Variants in GMDS observed in about 807,000 individuals in gnomAD.
The protein encoded by GMDS is GDP-mannose 4,6 dehydratase.
A neutral mutation model predicts 49.9 loss-of-function variants in GMDS; 20 were observed. The ratio of observed to expected loss-of-function variants is 0.40; its 90% CI spans 0.28 to 0.58. The LOEUF (loss-of-function observed/expected upper bound fraction) is 0.58, where lower values mean the gene tolerates loss of function less well. Ranked by LOEUF, GMDS falls within the 20% of genes least tolerant of loss-of-function variation. GMDS has a pLI of 0.42. For synonymous variants in GMDS, 177 were observed against 178.6 expected, an observed-to-expected ratio of 0.99 and a Z score of 0.07; for missense variants, 362 against 481.4, an observed-to-expected ratio of 0.75 and a Z score of 2.32.
chr6:1,725,591 AC>A (rs1232238523), intron 9 of GMDS, among the ~76,000 whole-genome samples: 2 of 151,910 alleles, frequency 1.3e-5, no homozygotes, highest in African/African-American at 4.8e-5. Context: ...GCGCTACCAC[AC>A]CCGGCTAATT....
chr6:1,854,485 G>C (rs993567488), intron 7 of GMDS, among the ~76,000 whole-genome samples: 1 of 152,150 alleles, frequency 6.6e-6, no homozygotes, highest in Non-Finnish European at 1.5e-5. Context: ...TTTCCAACTG[G>C]GAGTGATTTT....
chr6:1,915,600 T>C (rs190089482), intron 7 of GMDS, among the ~76,000 whole-genome samples: 79 of 152,256 alleles, frequency 5.2e-4, no homozygotes, highest in Non-Finnish European at 9.3e-4. Context: ...ACAGTATCTG[T>C]ATCTCAGAAA....
intron 9 of GMDS, among the ~76,000 whole-genome samples, chr6:1,647,833 C>T (rs1471791583): frequency 6.6e-6 from 1 of 152,150 alleles, no homozygotes; most frequent in Non-Finnish European, 1.5e-5. Context: ...TCTCAGCATC[C>T]GGACCTACCG....
intron 9 of GMDS, among the ~76,000 whole-genome samples, chr6:1,725,231 G>A (rs566069458): frequency 6.6e-4 from 101 of 152,330 alleles, no homozygotes; most frequent in Middle Eastern, 3.4e-3. Flanking sequence ...TATTTCATAT[G>A]TTGAGCTTTG....
chr6:2,005,074 T>C (rs980549575), intron 4 of GMDS, among the ~76,000 whole-genome samples: 63 of 152,266 alleles, frequency 4.1e-4, no homozygotes, highest in African/African-American at 1.5e-3. Context: ...ATAAACAAAG[T>C]CCTGTTGTAA....
chr6:1,721,257 G>C (rs1218420052), intron 9 of GMDS, among the ~76,000 whole-genome samples: 3 of 152,180 alleles, frequency 2.0e-5, no homozygotes, highest in African/African-American at 4.8e-5. Context: ...GTTTTTACGG[G>C]AGGAAGGTGT....
chr6:2,072,269 AG>A (rs1420488113), intron 4 of GMDS, among the ~76,000 whole-genome samples: 2 of 152,226 alleles, frequency 1.3e-5, no homozygotes, highest in African/African-American at 4.8e-5. Flanking sequence ...AAATTCTAAA[AG>A]AAAGGGGAGC....
At chr6:2,202,723 T>C (rs1779606948) in intron 1 of GMDS, among the ~76,000 whole-genome samples, 2 of 152,152 alleles carry the variant, frequency 1.3e-5, no homozygotes, top group Admixed American at 6.5e-5. Context: ...GCCACGTCTG[T>C]TGTGGTTTAC....
chr6:1,758,421 A>G (rs58269467), intron 7 of GMDS, among the ~76,000 whole-genome samples: 11,047 of 152,160 alleles, frequency 0.073, 520 homozygotes, highest in East Asian at 0.15. Context: ...CACTCATACC[A>G]CACTCTCTCC....
At chr6:2,200,864 A>C (rs1236611314) in intron 1 of GMDS, among the ~76,000 whole-genome samples, 1 of 135,572 alleles carries the variant, frequency 7.4e-6, no homozygotes, top group Non-Finnish European at 1.6e-5. Context: ...GTTAGCAGAG[A>C]GGTGAAGGAT....
intron 7 of GMDS, among the ~76,000 whole-genome samples, chr6:1,809,909 T>C (rs1770343281): frequency 6.6e-6 from 1 of 152,190 alleles, no homozygotes; most frequent in South Asian, 2.1e-4. Flanking sequence ...TTTATATTTA[T>C]AGTCTTATTT....
chr6:1,649,566 C>T (rs1763587404), intron 9 of GMDS, among the ~76,000 whole-genome samples: 1 of 152,144 alleles, frequency 6.6e-6, no homozygotes, highest in Admixed American at 6.5e-5. Context: ...ATCTTTGCAC[C>T]TTGTAACATG....
At chr6:1,733,786 A>C (rs1477429815) in intron 8 of GMDS, among the ~76,000 whole-genome samples, 3 of 151,408 alleles carry the variant, frequency 2.0e-5, no homozygotes, top group African/African-American at 7.3e-5. Context: ...TGGGGGGCAG[A>C]GGTTGCGGTG....
intron 1 of GMDS, among the ~76,000 whole-genome samples, chr6:2,219,405 T>C (rs1780481591): frequency 6.6e-6 from 1 of 152,130 alleles, no homozygotes; most frequent in Admixed American, 6.5e-5. Context: ...AACATAGAAC[T>C]TACTATATGG....
At chr6:1,853,665 A>G (rs1757814324) in intron 7 of GMDS, among the ~76,000 whole-genome samples, 1 of 152,234 alleles carries the variant, frequency 6.6e-6, no homozygotes, top group South Asian at 2.1e-4. Flanking sequence ...TAGTAGCCAC[A>G]GAGCCTAATG....
intron 1 of GMDS, among the ~76,000 whole-genome samples, chr6:2,136,769 G>A (rs747013968): frequency 6.6e-6 from 1 of 152,000 alleles, no homozygotes; most frequent in Non-Finnish European, 1.5e-5. Context: ...TGGGCATGGT[G>A]AGGCAGGCCT....
intron 7 of GMDS, among the ~76,000 whole-genome samples, chr6:1,831,379 T>A (rs1430695155): frequency 6.6e-6 from 1 of 152,254 alleles, no homozygotes; most frequent in African/African-American, 2.4e-5. Context: ...CAGATAATCA[T>A]TCCTTAAGGG....
intron 4 of GMDS, among the ~76,000 whole-genome samples, chr6:2,009,323 C>T (rs1439991141): frequency 6.6e-6 from 1 of 152,182 alleles, no homozygotes. Flanking sequence ...CAGATAGCTT[C>T]CCAAATCCCA....
rs529039093 is a variant in GMDS, at chr6:2,190,675, C to T, written c.102+54646G>A. Among the ~76,000 whole-genome samples the T allele has an allele frequency of 2.6e-5, 4 of 152,326 alleles. No homozygotes were observed. The South Asian group carries it at 8.3e-4, about 32-fold the overall frequency. On this transcript the variant is annotated intron_variant, in intron 1 of 10. Coordinates refer to ENST00000380815, the MANE Select transcript of GMDS (RefSeq NM_001500.4). ...TTTTTTGCAAAAAAGACTGCACTCT[C>T]TTGGGGAAGGAAACCAGTGGCACCA... is the stretch of plus-strand genomic sequence containing the variant.
Sources: allele counts gnomAD v4.1 joint callset (sites outside exome capture counted in the v4.1 genomes callset), GRCh38; gene constraint gnomAD v4.1.1; transcripts MANE v1.5; gene names NCBI Gene and HGNC (gene_info 2026-07-23, HGNC 2026-07-21).